Variants in LRRC4C observed in about 807,000 individuals in gnomAD.
LRRC4C encodes leucine-rich repeat-containing protein 4C.
LRRC4C carries 5 observed loss-of-function variants against 33.6 expected under a neutral mutation model. The ratio of observed to expected loss-of-function variants is 0.15; its 90% CI spans 0.08 to 0.31. The LOEUF (loss-of-function observed/expected upper bound fraction) is 0.31. LRRC4C is among the 10% of genes least tolerant of loss of function. The probability of loss-of-function intolerance (pLI) is 1.00; values close to 1 mark genes in which losing one functional copy is unlikely to be tolerated. For missense variants in LRRC4C, 560 were observed against 796.7 expected, an observed-to-expected ratio of 0.70 and a Z score of 3.58; for synonymous variants, 329 against 302.0, an observed-to-expected ratio of 1.09 and a Z score of -0.93.
intron 1 of LRRC4C, among the ~76,000 whole-genome samples, chr11:41,445,889 T>TGTGTGTGTGTGTGTGTAC (rs1955809703): frequency 6.6e-6 from 1 of 152,058 alleles, no homozygotes; most frequent in Non-Finnish European, 1.5e-5. Flanking sequence ...TGTGTGTGTG[T>TGTGTGTGTGTGTGTGTAC]GTACGTGTTA....
At chr11:40,566,279 T>C (rs1957765639) in intron 3 of LRRC4C, among the ~76,000 whole-genome samples, 1 of 151,872 alleles carries the variant, frequency 6.6e-6, no homozygotes, top group Non-Finnish European at 1.5e-5. Flanking sequence ...TTAAATATTA[T>C]ATAATTCATA....
chr11:40,665,336 ATATATATATATATATATATATATATATG>A (rs1434123680), intron 2 of LRRC4C, among the ~76,000 whole-genome samples: 1,113 of 14,450 alleles, frequency 0.077, 28 homozygotes, highest in African/African-American at 0.18. Context: ...ATATATATAT[ATATATATATATATATATATATATATATG>A]TATATATATA....
chr11:40,209,792 T>A (rs1420548668), intron 5 of LRRC4C, among the ~76,000 whole-genome samples: 1 of 152,144 alleles, frequency 6.6e-6, no homozygotes, highest in Non-Finnish European at 1.5e-5. Flanking sequence ...GAACTTTAAT[T>A]CTAGTGAAAA....
chr11:40,453,695 A>G (rs938082176), intron 3 of LRRC4C, among the ~76,000 whole-genome samples: 1 of 152,110 alleles, frequency 6.6e-6, no homozygotes, highest in African/African-American at 2.4e-5. Flanking sequence ...AGCAAACCAA[A>G]TCCAGGAATA....
intron 1 of LRRC4C, among the ~76,000 whole-genome samples, chr11:41,374,831 C>T (rs1178014176): frequency 1.3e-5 from 2 of 151,906 alleles, no homozygotes; most frequent in Non-Finnish European, 2.9e-5. Context: ...ATATATGTAA[C>T]CTTAAAATAT....
At chr11:40,187,961 C>T (rs1048609047) in intron 5 of LRRC4C, among the ~76,000 whole-genome samples, 10 of 151,880 alleles carry the variant, frequency 6.6e-5, no homozygotes, top group South Asian at 2.1e-4. Flanking sequence ...AGGGGGTTAG[C>T]GGAAGGACAG....
chr11:40,507,088 A>G (rs745748797), intron 3 of LRRC4C, among the ~76,000 whole-genome samples: 1 of 152,142 alleles, frequency 6.6e-6, no homozygotes. Flanking sequence ...TATTAAAAAT[A>G]TTACTAATAT....
intron 1 of LRRC4C, among the ~76,000 whole-genome samples, chr11:41,442,778 T>A (rs1411578416): frequency 6.6e-6 from 1 of 152,158 alleles, no homozygotes; most frequent in Non-Finnish European, 1.5e-5. Flanking sequence ...CTGTTGCTTC[T>A]TTCTTGCTAT....
At chr11:40,143,489 C>A (rs1479229918) in intron 5 of LRRC4C, among the ~76,000 whole-genome samples, 2 of 152,142 alleles carry the variant, frequency 1.3e-5, no homozygotes, top group African/African-American at 4.8e-5. Flanking sequence ...TTCTCCTGCA[C>A]ACCAAACATA....
At chr11:40,990,192 A>C (rs1853413524) in intron 1 of LRRC4C, among the ~76,000 whole-genome samples, 1 of 144,436 alleles carries the variant, frequency 6.9e-6, no homozygotes, top group East Asian at 2.1e-4. Flanking sequence ...TCAGCACAGT[A>C]ATAAAATCTA....
chr11:40,239,472 C>T lies in LRRC4C; in HGVS notation c.-96+2047G>A, dbSNP rs985039664. On this transcript the variant is annotated intron_variant, in intron 5 of 6. Coordinates refer to ENST00000528697, the MANE Select transcript of LRRC4C (RefSeq NM_001258419.2). ...TCCTGTTCATACTTGTATTAGGAAA[C>T]TGAAGGGTCCAAGCTAATGTAAATG... Among the ~76,000 whole-genome samples, 3 of 152,116 alleles carry T rather than the reference C, an allele frequency of 2.0e-5. No homozygotes were observed. The East Asian group carries it at 5.8e-4, about 29-fold the overall frequency.
At position 41,001,894 on chromosome 11, in the gene LRRC4C, C is replaced by T. The variant is rs1297278230; in HGVS notation, c.-495-68171G>A. On this transcript the variant is annotated intron_variant, in intron 1 of 6. Transcript: ENST00000528697. ...TTTTTTTTTTGTACCATCCAGGATT[C>T]CTACCGACACTGTAGATATTTATGT... 2.0e-5 allele frequency among the ~76,000 whole-genome samples: 3 copies of T among 149,766 alleles called. No individual in the cohort carries two copies. The East Asian group carries it at 5.9e-4, about 29-fold the overall frequency.
chr11:40,307,168 C>G (rs926096061), intron 4 of LRRC4C, among the ~76,000 whole-genome samples: 5 of 152,014 alleles, frequency 3.3e-5, no homozygotes, highest in East Asian at 1.9e-4. Flanking sequence ...TCCTCACCCC[C>G]CATTATGACA....
intron 3 of LRRC4C, among the ~76,000 whole-genome samples, chr11:40,623,087 T>A (rs1243243287): frequency 6.6e-6 from 1 of 151,740 alleles, no homozygotes; most frequent in Non-Finnish European, 1.5e-5. Context: ...GAGCTCTATG[T>A]TGTATTTTAG....
At chr11:40,953,610 A>G (rs1021085678) in intron 1 of LRRC4C, among the ~76,000 whole-genome samples, 2 of 151,900 alleles carry the variant, frequency 1.3e-5, no homozygotes, top group Non-Finnish European at 2.9e-5. Flanking sequence ...AACCCCAAGC[A>G]CACATTACTA....
At chr11:40,453,180 A>AT (rs1951972305) in intron 3 of LRRC4C, among the ~76,000 whole-genome samples, 2 of 129,496 alleles carry the variant, frequency 1.5e-5, no homozygotes, top group African/African-American at 5.3e-5. Context: ...TTAAAGTATA[A>AT]TAAAAAAATG....
At chr11:41,073,340 T>G (rs1331483641) in intron 1 of LRRC4C, among the ~76,000 whole-genome samples, 2 of 151,836 alleles carry the variant, frequency 1.3e-5, no homozygotes. Flanking sequence ...GGGGTTTTTT[T>G]AACAACTGGC....
chr11:40,404,279 A>G (rs2137572453), intron 3 of LRRC4C, among the ~76,000 whole-genome samples: 1 of 152,282 alleles, frequency 6.6e-6, no homozygotes, highest in South Asian at 2.1e-4. Context: ...TCTGGCTGAG[A>G]CCAGCAGGAG....
intron 1 of LRRC4C, among the ~76,000 whole-genome samples, chr11:41,121,421 A>T (rs901590402): frequency 2.0e-5 from 3 of 152,204 alleles, no homozygotes; most frequent in Non-Finnish European, 4.4e-5. Flanking sequence ...CTCAGGCATT[A>T]TGATAAATTT....
Sources: gnomAD v4.1 joint callset for allele counts (sites outside exome capture counted in the v4.1 genomes callset) on GRCh38, gnomAD v4.1.1 for gene constraint, MANE v1.5 for transcripts, NCBI Gene and HGNC (gene_info 2026-07-23, HGNC 2026-07-21) for gene names.